FREM2: variants seen among roughly 807,000 people sequenced by gnomAD.
FREM2 encodes the protein FRAS1-related extracellular matrix protein 2.
Under a neutral mutation model 219.9 loss-of-function variants are expected in FREM2, and 119 were observed. The observed-to-expected ratio is 0.54, with a 90% CI of 0.47 to 0.63. The LOEUF (loss-of-function observed/expected upper bound fraction) is 0.63, where lower values mean the gene tolerates loss of function less well. FREM2 is among the 30% of genes least tolerant of loss of function. The pLI, the probability that FREM2 is intolerant of heterozygous loss-of-function variation, is 0.00. For missense variants in FREM2, 4,030 were observed against 3,993.6 expected (o/e 1.01, Z -0.25); for synonymous variants, 1,562 against 1,522.8 (o/e 1.03, Z -0.60).
chr13:38,782,606 C>T (rs1490730083), intron 4 of FREM2, among the ~76,000 whole-genome samples: 3 of 152,180 alleles, frequency 2.0e-5, no homozygotes, highest in African/African-American at 7.2e-5. Flanking sequence ...ATTTCAAGAT[C>T]TGAGTTCTAA....
chr13:38,697,936 T>A, intron 2 of FREM2, 149 bp downstream of exon 2: 1 of 699,494 alleles, frequency 1.4e-6, no homozygotes, highest in Non-Finnish European at 2.6e-6. Context: ...AATTTTACAA[T>A]CTCACTATGA....
chr13:38,714,961 G>T (rs753879905), intron 2 of FREM2, among the ~76,000 whole-genome samples: 2 of 151,764 alleles, frequency 1.3e-5, no homozygotes, highest in Admixed American at 1.3e-4. Context: ...GCATGGTGGC[G>T]GGCACCTGTA....
Position 38,851,036 on chromosome 13 carries a change from A to G in FREM2, c.6670A>G (p.Ser2224Gly). 1 of 1,614,080 alleles carries G rather than the reference A, an allele frequency of 6.2e-7. No individual in the cohort carries two copies. Among genetic ancestry groups the G allele is most frequent in the South Asian group, 1.1e-5 (1 of 91,080 alleles). ...CCGCCTGGTACTCGGCACTCCACAA[A>G]GCAACTCTCCCTTTGGGGCTGCAGT... is the stretch of plus-strand genomic sequence containing the variant. ...ELRLVLGTPQ[S>G]NSPFGAAVGE... Residue 2224 changes from serine to glycine, a missense_variant, in exon 10 of 24, where the codon AGC becomes GGC. Physicochemically the swap from Ser to Gly is moderately conservative, Grantham distance 56. Around this residue, in one of 2 missense-constraint regions of FREM2, gnomAD observed 3,102 missense variants for 2,950.7 expected, o/e 1.05. Transcript: ENST00000280481.
chr13:38,726,835 A>G (rs1030887754), intron 2 of FREM2, among the ~76,000 whole-genome samples: 1 of 152,190 alleles, frequency 6.6e-6, no homozygotes, highest in African/African-American at 2.4e-5. Context: ...ATATTTACCC[A>G]TTATGAATAC....
In FREM2 at chr13:38,690,646, A is replaced by G; in HGVS notation, c.3302A>G (p.Asp1101Gly). The G allele has an allele frequency of 6.8e-6, 11 of 1,613,930 alleles. No homozygotes were observed. Among genetic ancestry groups the G allele is most frequent in the Non-Finnish European group, 9.3e-6 (11 of 1,180,006 alleles). ...GAAGATGTCGACTCCCTGAATGATG[A>G]CATCTTGTGCACTATAGTTATTCAG... ...SAEDVDSLND[D>G]ILCTIVIQPT... Residue 1101 changes from aspartate to glycine, a missense_variant, in exon 1 of 24, where the codon GAC becomes GGC. This residue lies in a region of FREM2 where 3,102 missense variants were observed against 2,950.7 expected (regional missense o/e 1.05). Coordinates refer to ENST00000280481, the MANE Select transcript of FREM2 (RefSeq NM_207361.6).
intron 2 of FREM2, among the ~76,000 whole-genome samples, chr13:38,736,139 T>C (rs1275639875): frequency 6.6e-6 from 1 of 152,218 alleles, no homozygotes; most frequent in Non-Finnish European, 1.5e-5. Context: ...AGCTTTTCTT[T>C]GCCTCAGAGG....
At chr13:38,723,155 A>C (rs773901051) in intron 2 of FREM2, among the ~76,000 whole-genome samples, 29 of 152,102 alleles carry the variant, frequency 1.9e-4, no homozygotes, top group Non-Finnish European at 3.4e-4. Flanking sequence ...GAATCACTTG[A>C]ACCTGGGAGG....
At chr13:38,865,674 G>A (rs1388945381) in intron 16 of FREM2, among the ~76,000 whole-genome samples, 1 of 152,240 alleles carries the variant, frequency 6.6e-6, no homozygotes, top group Non-Finnish European at 1.5e-5. Flanking sequence ...ATTGGACTCA[G>A]AGGTGGTGAG....
chr13:38,848,341 A>G, intron 7 of FREM2, 120 bp from the exon 8 acceptor site: 1 of 770,542 alleles, frequency 1.3e-6, no homozygotes, highest in Non-Finnish European at 2.2e-6. Flanking sequence ...TTTTCTGTAG[A>G]GTTATGCTGG....
In FREM2 at chr13:38,864,543, T is replaced by C. The variant is rs928819909; in HGVS notation, c.7920T>C (p.Val2640=). ...TAGAGGCCTGTTTATGGGAGTTCGTTAGCTACTATGACATGTCAGAACTCC... is the reference window on the plus strand; with the variant it reads ...TAGAGGCCTGTTTATGGGAGTTCGTCAGCTACTATGACATGTCAGAACTCC... ...LNLEACLWEF[V]SYYDMSELLA... is the part of the protein sequence containing the mutation. The change falls in exon 16 of 24, where the codon GTT becomes GTC. Residue 2640 remains valine, a synonymous_variant. Transcript: ENST00000280481. 6.2e-7 allele frequency: 1 copy of C among 1,614,212 alleles called. No homozygotes were observed. The highest frequency in any genetic ancestry group is 1.3e-5 in the African/African-American group (1 of 75,056).
Position 38,691,163 on chromosome 13 carries a change from G to T in FREM2, c.3819G>T (p.Gln1273His). Residue 1273 changes from glutamine (Q) to histidine (H), a missense_variant, in exon 1 of 24, where the codon CAG becomes CAT. Around this residue, in one of 2 missense-constraint regions of FREM2, gnomAD observed 3,102 missense variants for 2,950.7 expected, o/e 1.05. Coordinates refer to ENST00000280481, the MANE Select transcript of FREM2 (RefSeq NM_207361.6). ...ATGAGCATGATGACTCCGAGACCCAGGAAGACAGTTTTGTGATTAAACTAA... is the reference window on the plus strand; with the variant it reads ...ATGAGCATGATGACTCCGAGACCCATGAAGACAGTTTTGTGATTAAACTAA... The part of the protein sequence containing the change: ...IIYEHDDSET[Q>H]EDSFVIKLTD... The T allele has an allele frequency of 1.2e-6, 2 of 1,614,062 alleles. No homozygotes were observed. The highest frequency in any genetic ancestry group is 1.7e-6 in the Non-Finnish European group (2 of 1,180,008).
At chr13:38,768,683 G>A (rs1423920105) in intron 3 of FREM2, among the ~76,000 whole-genome samples, 1 of 152,186 alleles carries the variant, frequency 6.6e-6, no homozygotes, top group South Asian at 2.1e-4. Flanking sequence ...GACTCATTAA[G>A]AGGTTCTGGT....
chr13:38,838,167 T>A (rs1876796502), intron 6 of FREM2, among the ~76,000 whole-genome samples: 1 of 152,194 alleles, frequency 6.6e-6, no homozygotes, highest in Non-Finnish European at 1.5e-5. Flanking sequence ...CATGACAAAA[T>A]GCTTCAGCAT....
chr13:38,838,749 A>G (rs1356115454), intron 6 of FREM2, among the ~76,000 whole-genome samples: 1 of 152,152 alleles, frequency 6.6e-6, no homozygotes, highest in African/African-American at 2.4e-5. Context: ...CACTTGATCG[A>G]TTCAGCTATT....
rs562845613 is a variant in FREM2, at chr13:38,828,887, T to G, written c.6020-17686T>G. 2.6e-5 allele frequency among the ~76,000 whole-genome samples: 4 copies of G among 152,260 alleles called. No individual in the cohort carries two copies. In the East Asian group the frequency reaches 7.7e-4, roughly 29 times the overall value. ...ATGGGCATTTAGACTGGTTTCAGATTTTTTTTCTAATCACATAAGTGCTGT... is the reference window on the plus strand; with the variant it reads ...ATGGGCATTTAGACTGGTTTCAGATGTTTTTTCTAATCACATAAGTGCTGT... On this transcript the variant is annotated intron_variant, in intron 6 of 23. Coordinates refer to ENST00000280481, the MANE Select transcript of FREM2 (RefSeq NM_207361.6).
intron 4 of FREM2, among the ~76,000 whole-genome samples, chr13:38,773,188 A>G (rs1219628567): frequency 6.6e-6 from 1 of 152,196 alleles, no homozygotes; most frequent in Non-Finnish European, 1.5e-5. Context: ...TATCACATAC[A>G]GTTATATGCT....
chr13:38,694,833 A>G (rs1196667485), intron 1 of FREM2, among the ~76,000 whole-genome samples: 1 of 152,198 alleles, frequency 6.6e-6, no homozygotes, highest in Non-Finnish European at 1.5e-5. Context: ...ACCCAGATCT[A>G]AATTGCATGT....
chr13:38,843,878 GTAGT>G (rs1877051717), intron 6 of FREM2, among the ~76,000 whole-genome samples: 3 of 150,082 alleles, frequency 2.0e-5, no homozygotes. Context: ...AAGAAACTAG[GTAGT>G]TAGCAGAGTT....
chr13:38,728,160 T>A (rs1357700574), intron 2 of FREM2, among the ~76,000 whole-genome samples: 1 of 152,120 alleles, frequency 6.6e-6, no homozygotes, highest in Non-Finnish European at 1.5e-5. Flanking sequence ...AACACCAATA[T>A]CATAAACAAT....
Sources: gnomAD v4.1 joint callset for allele counts (sites outside exome capture counted in the v4.1 genomes callset) on GRCh38, gnomAD v4.1.1 for gene constraint, gnomAD v4.1.1 regional missense constraint, MANE v1.5 for transcripts, NCBI Gene and HGNC (gene_info 2026-07-23, HGNC 2026-07-21) for gene names.